SIGIRR: variants seen among roughly 807,000 people sequenced by gnomAD.
SIGIRR encodes single Ig and TIR domain containing.
Under a neutral mutation model 45.6 loss-of-function variants are expected in SIGIRR, and 41 were observed. The observed-to-expected ratio is 0.90, with a 90% CI of 0.70 to 1.17. SIGIRR has a LOEUF of 1.17. Ranked by LOEUF, SIGIRR falls within the 50% of genes most tolerant of loss-of-function variation. The pLI is 0.00. For missense variants in SIGIRR, 599 were observed against 539.6 expected, an observed-to-expected ratio of 1.11 and a Z score of -1.09; for synonymous variants, 298 against 239.0, an observed-to-expected ratio of 1.25 and a Z score of -2.28.
upstream of SIGIRR, among the ~76,000 whole-genome samples, chr11:415,261 G>C (rs919359166): frequency 1.4e-5 from 2 of 144,706 alleles, no homozygotes; most frequent in South Asian, 4.6e-4. This position sits in a 1 kb window ranked among gnomAD's most constrained non-coding sequence, Gnocchi z 6.6. Context: ...CAGTGTGTCT[G>C]CGTGTGTGCA....
upstream of SIGIRR, among the ~76,000 whole-genome samples, chr11:415,438 G>A (rs540329641): frequency 3.3e-5 from 5 of 152,112 alleles, no homozygotes; most frequent in South Asian, 4.1e-4. The surrounding 1 kb of genome is among the most constrained non-coding windows in gnomAD (Gnocchi z 6.6). Context: ...ACCGGGGACC[G>A]CGCGGCATGC....
chr11:408,093 G>A lies in SIGIRR; in HGVS notation c.320C>T (p.Ser107Phe), dbSNP rs143116663. 96 of 1,612,690 alleles carry A rather than the reference G, an allele frequency of 6.0e-5. No individual in the cohort carries two copies. The highest frequency in any genetic ancestry group is 1.6e-4 in the Middle Eastern group (1 of 6,084). ...ATCACCAGCTCTCTGAAGAGTGAAG[G>A]AGGAGAAGCTGATGTTCTGGATGGA... ...TCSIQNISFS[S>F]FTLQRAGPTS... is the part of the protein sequence containing the mutation. The change falls in exon 4 of 10, where the codon TCC (serine) becomes TTC (phenylalanine). Residue 107 changes from serine (S) to phenylalanine (F), a missense_variant. By Grantham distance (155) the Ser-to-Phe change is radical (BLOSUM62 -2). Coordinates refer to ENST00000431843, the MANE Select transcript of SIGIRR (RefSeq NM_001135054.2).
rs1365278793 is a variant in SIGIRR, at chr11:407,103, C to A, written c.687G>T (p.Ser229=). Residue 229 remains serine, a synonymous_variant, in exon 7 of 10, where the codon TCG becomes TCT. Coordinates refer to ENST00000431843, the MANE Select transcript of SIGIRR (RefSeq NM_001135054.2). ...ACCAGGCCCGGCTCAGGAAGGCGTC[C>A]GAAAGCACCACGATGAGGCGTCGGC... ...SRCRRLIVVL[S]DAFLSRAWCS... The A allele has an allele frequency of 2.0e-6, 3 of 1,511,146 alleles. No individual in the cohort carries two copies. Among genetic ancestry groups the A allele is most frequent in the Non-Finnish European group, 2.6e-6 (3 of 1,132,258 alleles). The allele number at this position is 1,511,146 out of a possible 1,614,324, so 93.6% of individuals were successfully genotyped here. A position where few individuals can be genotyped will look rare whatever the true frequency, so the allele number is the denominator to read the frequency against.
At chr11:416,386 C>T (rs1326499493), upstream of SIGIRR, among the ~76,000 whole-genome samples, 2 of 152,098 alleles carry the variant, frequency 1.3e-5, no homozygotes, top group African/African-American at 4.8e-5. This position sits in a 1 kb window ranked among gnomAD's most constrained non-coding sequence, Gnocchi z 9.1. Flanking sequence ...CCAGGTCCAC[C>T]GTCCAGGGTG....
At chr11:408,034 G>T in intron 4 of SIGIRR, 39 bp downstream of exon 4, 1 of 1,611,180 alleles carries the variant, frequency 6.2e-7, no homozygotes, top group Non-Finnish European at 8.5e-7. Context: ...ACTAGGTCTA[G>T]GTCCCCTTCT....
chr11:407,366 T>TGGGGC lies in SIGIRR; in HGVS notation c.625+54_625+58dup, dbSNP rs1332330696. On this transcript the variant is annotated intron_variant, in intron 6 of 9. Transcript: ENST00000431843. Reference sequence around the variant, plus strand: ...GTGGGGCCCCGGGTGGGACGGAGCATGGGGCGGGGCGGGGCGGGCCCTCCG... The same window carrying TGGGGC: ...GTGGGGCCCCGGGTGGGACGGAGCATGGGGCGGGGCGGGGCGGGGCGGGCCCTCCG... The TGGGGC allele has an allele frequency of 7.3e-3, 8,879 of 1,221,546 alleles. 52 individuals are homozygous for TGGGGC. The highest frequency in any genetic ancestry group is 0.016 in the Middle Eastern group (56 of 3,414). 75.7% of individuals were successfully genotyped at this position (1,221,546 alleles called of 1,614,324 possible).
At chr11:416,507 G>T (rs1159982295), upstream of SIGIRR, among the ~76,000 whole-genome samples, 1 of 152,154 alleles carries the variant, frequency 6.6e-6, no homozygotes, top group African/African-American at 2.4e-5. The surrounding 1 kb of genome is among the most constrained non-coding windows in gnomAD (Gnocchi z 9.1). Context: ...ACCGCACTCT[G>T]CTGGGCACCT....
intron 1 of SIGIRR, among the ~76,000 whole-genome samples, chr11:410,616 A>G (rs1426925476): frequency 1.3e-4 from 2 of 14,938 alleles, no homozygotes; most frequent in African/African-American, 5.3e-4. Flanking sequence ...GTCTGGATGC[A>G]GTCGGGGGGG....
chr11:410,987 AGG>A (rs1434367708), intron 1 of SIGIRR, among the ~76,000 whole-genome samples: 1 of 1,708 alleles, frequency 5.9e-4, no homozygotes, highest in Admixed American at 0.013. Flanking sequence ...GCAGTCGGGG[AGG>A]GGGGTGCCCA....
rs904795514 is a variant in SIGIRR at position 406,006 on chromosome 11, C to T, written c.1123G>A (p.Val375Ile). The change falls in exon 10 of 10, where the codon GTC becomes ATC. Residue 375 changes from valine (V) to isoleucine (I), a missense_variant. Val to Ile is a conservative substitution (Grantham distance 29). Coordinates refer to ENST00000431843, the MANE Select transcript of SIGIRR (RefSeq NM_001135054.2). ...CTGCTCCGGCTCTCTCCCAGCGAGA[C>T]CCCACTGGTGTGCGGTGGAGCTGAT... is the stretch of plus-strand genomic sequence containing the variant. ...EPSAPPHTSG[V>I]SLGESRSSEV... 43 of 1,610,550 alleles carry T rather than the reference C, an allele frequency of 2.7e-5. No homozygotes were observed. The highest frequency in any genetic ancestry group is 3.3e-5 in the Non-Finnish European group (39 of 1,179,076).
intron 1 of SIGIRR, among the ~76,000 whole-genome samples, chr11:411,794 C>T (rs1461470924): frequency 4.2e-5 from 2 of 47,164 alleles, no homozygotes; most frequent in Non-Finnish European, 8.7e-5. Context: ...TGTCTGGATG[C>T]AGTCGGGGGG....
Position 408,860 on chromosome 11 carries a change from G to A in SIGIRR, c.41C>T (p.Pro14Leu), listed in dbSNP as rs1257941223. 14 of 1,612,616 alleles carry A rather than the reference G, an allele frequency of 8.7e-6. No homozygotes were observed. Among genetic ancestry groups the A allele is most frequent in the African/African-American group, 2.7e-5 (2 of 74,930 alleles). Residue 14 changes from proline to leucine, a missense_variant, in exon 3 of 10, where the codon CCG becomes CTG. Physicochemically the swap from Pro to Leu is moderately conservative, Grantham distance 98. Coordinates refer to ENST00000431843, the MANE Select transcript of SIGIRR (RefSeq NM_001135054.2). ...AGGCCTCAGCACCTGGTCTTCAGAC[G>A]GGGAGAGGAAGTCAGGGGCCCTATC... ...VCDRAPDFLSPSEDQVLRPAL... is the reference protein window; with the variant it reads ...VCDRAPDFLSLSEDQVLRPAL...
chr11:407,126 G>T lies in SIGIRR; in HGVS notation c.664C>A (p.Arg222=). Residue 222 remains arginine (R), a synonymous_variant, in exon 7 of 10, where the codon CGA becomes AGA. Transcript: ENST00000431843. ...ADLLVNLSRC[R]RLIVVLSDAF... ...TCCGAAAGCACCACGATGAGGCGTCGGCAGCGGCTCAGGTTCACCAAGAGG... is the reference window on the plus strand; with the variant it reads ...TCCGAAAGCACCACGATGAGGCGTCTGCAGCGGCTCAGGTTCACCAAGAGG... 4 of 1,562,240 alleles carry T rather than the reference G, an allele frequency of 2.6e-6. No individual in the cohort carries two copies. Among genetic ancestry groups the T allele is most frequent in the Admixed American group, 1.8e-5 (1 of 55,332 alleles).
chr11:407,692 C>T (rs1399461861), intron 5 of SIGIRR, 124 bp from the exon 6 acceptor site: 86 of 1,559,626 alleles, frequency 5.5e-5, no homozygotes, highest in Non-Finnish European at 7.2e-5. Flanking sequence ...TTAACCCCAG[C>T]CGGGCCGCAC....
Position 407,924 on chromosome 11 carries a change from G to C in SIGIRR, c.374C>G (p.Ser125Cys). 1 of 1,611,844 alleles carries C rather than the reference G, an allele frequency of 6.2e-7. No homozygotes were observed. Among genetic ancestry groups the C allele is most frequent in the East Asian group, 2.2e-5 (1 of 44,882 alleles). ...PTSHVAAVLASLLVLLALLLA... is the reference protein window; with the variant it reads ...PTSHVAAVLACLLVLLALLLA... ...CAGCAGGGCCAGCAGGACCAGGAGG[G>C]AGGCCAGCACCGCAGCCACGTGGCT... Residue 125 changes from serine to cysteine, a missense_variant, in exon 5 of 10, where the codon TCC becomes TGC. Coordinates refer to ENST00000431843, the MANE Select transcript of SIGIRR (RefSeq NM_001135054.2).
At chr11:415,387 G>C (rs1263434852), upstream of SIGIRR, among the ~76,000 whole-genome samples, 1 of 152,100 alleles carries the variant, frequency 6.6e-6, no homozygotes, top group African/African-American at 2.4e-5. This position sits in a 1 kb window ranked among gnomAD's most constrained non-coding sequence, Gnocchi z 6.6. Flanking sequence ...CCTCCAGCCA[G>C]GAGACCCCCG....
At chr11:406,260 A>G in intron 9 of SIGIRR, 89 bp downstream of exon 9, 1 of 1,552,136 alleles carries the variant, frequency 6.4e-7, no homozygotes, top group East Asian at 2.4e-5. Flanking sequence ...CAACACCTGG[A>G]GCCCCTCCAG....
intron 2 of SIGIRR, chr11:409,286 C>G (rs1445427679): frequency 2.6e-6 from 1 of 379,408 alleles, no homozygotes; most frequent in Non-Finnish European, 5.1e-6. Flanking sequence ...ACCCCTCAGC[C>G]TGGCCTGCCT....
At chr11:410,088 G>A (rs532715411) in intron 1 of SIGIRR, 61 bp from the exon 2 acceptor site, 15 of 1,227,836 alleles carry the variant, frequency 1.2e-5, no homozygotes, top group African/African-American at 6.2e-5. Flanking sequence ...AGTAACTGCC[G>A]GCCACAGACA....
Sources: allele counts gnomAD v4.1 joint callset (sites outside exome capture counted in the v4.1 genomes callset), GRCh38; gene constraint gnomAD v4.1.1; non-coding constraint Gnocchi (gnomAD v3.1); transcripts MANE v1.5; gene names NCBI Gene and HGNC (gene_info 2026-07-23, HGNC 2026-07-21).